ADCY8: variants seen among roughly 807,000 people sequenced by gnomAD.
ADCY8 encodes the protein adenylate cyclase 8.
A neutral mutation model predicts 119.7 loss-of-function variants in ADCY8; 51 were observed. That is an observed-to-expected ratio of 0.43 (90% CI 0.34 to 0.54). The LOEUF (loss-of-function observed/expected upper bound fraction) is 0.54, where lower values mean the gene tolerates loss of function less well. Among genes scored for constraint, ADCY8 ranks in the 20% least tolerant of loss-of-function variants. The pLI, the probability that ADCY8 is intolerant of heterozygous loss-of-function variation, is 0.03. For synonymous variants in ADCY8, 665 were observed against 651.0 expected (o/e 1.02, Z -0.33); for missense variants, 1,383 against 1,598.8 (o/e 0.87, Z 2.30).
At chr8:130,980,452 G>A (rs1184342076) in intron 2 of ADCY8, among the ~76,000 whole-genome samples, 2 of 152,136 alleles carry the variant, frequency 1.3e-5, no homozygotes, top group Non-Finnish European at 2.9e-5. Flanking sequence ...CAGTGATGCA[G>A]GAGAGAAATG....
rs1023964908 is a variant in ADCY8 at position 130,889,578 on chromosome 8, T to C, written c.1912-4817A>G. Among the ~76,000 whole-genome samples, 5 of 152,108 alleles carry C rather than the reference T, an allele frequency of 3.3e-5. No homozygotes were observed. In the East Asian group the frequency reaches 9.7e-4, roughly 29 times the overall value. On this transcript the variant is annotated intron_variant, in intron 7 of 17. Transcript: ENST00000286355. ...TCCACACACTAGACCTGTTTCCGAT[T>C]TCTGAACAAGATCTACATCCATCTC...
At chr8:130,811,265 T>C (rs1179922889) in intron 14 of ADCY8, among the ~76,000 whole-genome samples, 1 of 151,218 alleles carries the variant, frequency 6.6e-6, no homozygotes, top group Non-Finnish European at 1.5e-5. Context: ...TTTTCTTCAG[T>C]GGCTCAGATG....
chr8:130,892,932 C>G (rs1819239220), intron 7 of ADCY8: 1 of 152,112 alleles, frequency 6.6e-6, no homozygotes, highest in Admixed American at 6.6e-5. Context: ...TTCCCTCCTG[C>G]CTGAGAAGCT....
intron 8 of ADCY8, among the ~76,000 whole-genome samples, chr8:130,868,326 A>T (rs1453546787): frequency 1.3e-5 from 2 of 152,034 alleles, no homozygotes; most frequent in Non-Finnish European, 2.9e-5. Flanking sequence ...TTGGGAACAC[A>T]GGGAAATGTT....
At chr8:130,904,139 A>G (rs2130532188) in intron 6 of ADCY8, 97 bp from the exon 7 acceptor site, 1 of 1,253,802 alleles carries the variant, frequency 8.0e-7, no homozygotes, top group Non-Finnish European at 1.1e-6. Flanking sequence ...GGGTTACACA[A>G]GGGTATTATT....
intron 1 of ADCY8, among the ~76,000 whole-genome samples, chr8:131,003,692 T>C (rs1823026140): frequency 6.6e-6 from 1 of 152,042 alleles, no homozygotes; most frequent in Non-Finnish European, 1.5e-5. Flanking sequence ...ATAATAGAGC[T>C]AGTAAGTGGT....
chr8:130,853,301 G>A (rs1328312507), intron 9 of ADCY8, among the ~76,000 whole-genome samples: 1 of 152,222 alleles, frequency 6.6e-6, no homozygotes, highest in African/African-American at 2.4e-5. Context: ...GAAAGCCCAG[G>A]TTGGCTTAAC....
intron 1 of ADCY8, among the ~76,000 whole-genome samples, chr8:130,997,311 G>A (rs1305001054): frequency 2.6e-5 from 4 of 152,092 alleles, no homozygotes; most frequent in African/African-American, 9.7e-5. Flanking sequence ...GTAAATATGT[G>A]TGTATCTGTG....
chr8:130,813,830 C>A (rs138790076), intron 14 of ADCY8, among the ~76,000 whole-genome samples: 12 of 152,290 alleles, frequency 7.9e-5, no homozygotes, highest in Non-Finnish European at 1.5e-4. Flanking sequence ...CATGCATATG[C>A]ACATACAACT....
At chr8:130,951,504 A>G (rs1821270259) in intron 3 of ADCY8, among the ~76,000 whole-genome samples, 1 of 152,220 alleles carries the variant, frequency 6.6e-6, no homozygotes, top group Admixed American at 6.5e-5. Flanking sequence ...CTTATGAGTA[A>G]TATAAGGAGG....
intron 1 of ADCY8, among the ~76,000 whole-genome samples, chr8:131,023,333 C>A (rs1455290382): frequency 2.0e-5 from 3 of 152,178 alleles, no homozygotes; most frequent in Non-Finnish European, 4.4e-5. Context: ...TTTTACCTTA[C>A]TCTCCTTTTA....
chr8:130,826,268 A>G (rs1263482226), intron 12 of ADCY8, among the ~76,000 whole-genome samples: 1 of 152,208 alleles, frequency 6.6e-6, no homozygotes, highest in Non-Finnish European at 1.5e-5. Flanking sequence ...AAAGAGACAT[A>G]TGAACTATTA....
chr8:131,023,570 G>A (rs1823739482), intron 1 of ADCY8, among the ~76,000 whole-genome samples: 1 of 152,120 alleles, frequency 6.6e-6, no homozygotes, highest in African/African-American at 2.4e-5. Context: ...GTTTGAAAAA[G>A]GAGCTGCCAC....
chr8:131,018,636 C>T (rs978253558), intron 1 of ADCY8, among the ~76,000 whole-genome samples: 1 of 152,172 alleles, frequency 6.6e-6, no homozygotes, highest in Non-Finnish European at 1.5e-5. Flanking sequence ...CCTGCATTGT[C>T]TCTGTTTATG....
chr8:130,969,673 G>A (rs1821865734), intron 2 of ADCY8, among the ~76,000 whole-genome samples: 1 of 152,154 alleles, frequency 6.6e-6, no homozygotes, highest in Non-Finnish European at 1.5e-5. Flanking sequence ...GAGTCTTCAG[G>A]TCAGTCACCT....
intron 15 of ADCY8, among the ~76,000 whole-genome samples, chr8:130,794,487 G>A (rs868201890): frequency 2.0e-5 from 3 of 152,106 alleles, no homozygotes; most frequent in African/African-American, 4.8e-5. Flanking sequence ...CTCGTGATCC[G>A]CCTGCCTCGG....
chr8:130,971,475 C>A (rs959010749), intron 2 of ADCY8, among the ~76,000 whole-genome samples: 4 of 152,098 alleles, frequency 2.6e-5, no homozygotes, highest in African/African-American at 9.7e-5. Context: ...GGGTTCATTG[C>A]TCATCATAAT....
intron 7 of ADCY8, among the ~76,000 whole-genome samples, chr8:130,893,099 A>T (rs1819244638): frequency 6.6e-6 from 1 of 152,168 alleles, no homozygotes; most frequent in African/African-American, 2.4e-5. Context: ...AAAATCAAAA[A>T]ATGTTGTTAA....
chr8:130,953,659 C>T (rs1174294911), intron 2 of ADCY8, among the ~76,000 whole-genome samples: 2 of 152,088 alleles, frequency 1.3e-5, no homozygotes, highest in African/African-American at 2.4e-5. Flanking sequence ...GCCTTAGTTC[C>T]CTAATTTGGC....
Sources: allele counts gnomAD v4.1 joint callset (sites outside exome capture counted in the v4.1 genomes callset), GRCh38; gene constraint gnomAD v4.1.1; transcripts MANE v1.5; gene names NCBI Gene and HGNC (gene_info 2026-07-23, HGNC 2026-07-21).